Variants in NRXN3 observed in about 807,000 individuals in gnomAD.
The protein encoded by NRXN3 is neurexin 3.
In NRXN3, 32 loss-of-function variants were observed where a neutral mutation model predicts 137.6. The ratio of observed to expected loss-of-function variants is 0.23; its 90% CI spans 0.18 to 0.31. The LOEUF (loss-of-function observed/expected upper bound fraction) is 0.31. Ranked by LOEUF, NRXN3 falls within the 10% of genes least tolerant of loss-of-function variation. NRXN3 has a pLI of 1.00. For synonymous variants in NRXN3, 798 were observed against 784.5 expected, an observed-to-expected ratio of 1.02 and a Z score of -0.29; for missense variants, 1,574 against 2,062.5, an observed-to-expected ratio of 0.76 and a Z score of 4.59.
intron 15 of NRXN3, among the ~76,000 whole-genome samples, chr14:79,092,248 A>G (rs2049346045): frequency 6.6e-6 from 1 of 152,188 alleles, no homozygotes; most frequent in African/African-American, 2.4e-5. Flanking sequence ...AGCAGAACTA[A>G]AGAGAAGATC....
chr14:78,282,225 C>G lies in NRXN3; in HGVS notation c.727+3563C>G, dbSNP rs1045464299. 4 of 461,500 alleles carry G rather than the reference C, an allele frequency of 8.7e-6. No individual in the cohort carries two copies. The Admixed American group carries it at 9.2e-5, about 11-fold the overall frequency. The allele number at this position is 461,500 out of a possible 1,614,324, so 28.6% of individuals were successfully genotyped here. On this transcript the variant is annotated intron_variant, in intron 3 of 20. Transcript: ENST00000335750. Reference sequence around the variant, plus strand: ...GGGCTGCTTGTAGGGCAGAGGTGGGCATCTCTGCCCTGCCTTTAACCTTCC... The same window carrying G: ...GGGCTGCTTGTAGGGCAGAGGTGGGGATCTCTGCCCTGCCTTTAACCTTCC...
chr14:79,653,732 T>C (rs540966846), intron 16 of NRXN3, among the ~76,000 whole-genome samples: 1 of 152,336 alleles, frequency 6.6e-6, no homozygotes, highest in African/African-American at 2.4e-5. Flanking sequence ...TATTGTTCTA[T>C]TTGCCAAATA....
intron 4 of NRXN3, among the ~76,000 whole-genome samples, chr14:78,448,975 C>A (rs1461137753): frequency 1.3e-5 from 2 of 152,204 alleles, no homozygotes; most frequent in Non-Finnish European, 2.9e-5. Context: ...AAATCATGCT[C>A]TCTGCAGTGG....
intron 10 of NRXN3, among the ~76,000 whole-genome samples, chr14:78,926,681 T>A (rs1394042265): frequency 2.8e-3 from 262 of 95,240 alleles, no homozygotes; most frequent in Middle Eastern, 4.5e-3. Flanking sequence ...TAATTATATA[T>A]TATGTAATAT....
rs183170211 is a variant in NRXN3 at position 78,301,431 on chromosome 14, C to T, written c.757+3571C>T. Among the ~76,000 whole-genome samples, 4 of 152,296 alleles carry T rather than the reference C, an allele frequency of 2.6e-5. No individual in the cohort carries two copies. The East Asian group carries it at 5.8e-4, about 22-fold the overall frequency. On this transcript the variant is annotated intron_variant, in intron 4 of 20. Coordinates refer to ENST00000335750, the MANE Select transcript of NRXN3 (RefSeq NM_001330195.2). ...GCCAACACTCTGACATGCCTTTCAT[C>T]GCACCACACCTTTGGGTAACGCATC...
intron 3 of NRXN3, among the ~76,000 whole-genome samples, chr14:78,281,620 G>T (rs1362230718): frequency 6.6e-6 from 1 of 152,168 alleles, no homozygotes. Context: ...CCTTTGGGGA[G>T]GAGGTTCAGA....
intron 4 of NRXN3, among the ~76,000 whole-genome samples, chr14:78,583,998 G>A (rs1476436985): frequency 2.0e-5 from 3 of 152,092 alleles, no homozygotes. Context: ...TCAGTAATCC[G>A]GTAAAGCTAA....
At chr14:79,755,752 T>C (rs193003993) in intron 19 of NRXN3, among the ~76,000 whole-genome samples, 1 of 152,294 alleles carries the variant, frequency 6.6e-6, no homozygotes, top group Admixed American at 6.5e-5. Flanking sequence ...AATAGTCAGA[T>C]AGGAATTGAA....
rs183308259 is a variant in NRXN3 at position 78,511,247 on chromosome 14, T to C, written c.758-133873T>C. On this transcript the variant is annotated intron_variant, in intron 4 of 20. Coordinates refer to ENST00000335750, the MANE Select transcript of NRXN3 (RefSeq NM_001330195.2). ...ATTCCATATATGGGGACATTGGGCG[T>C]GTTTTAAGCCATATGCTCATAACCT... is the stretch of plus-strand genomic sequence containing the variant. Among the ~76,000 whole-genome samples, 10 of 152,326 alleles carry C rather than the reference T, an allele frequency of 6.6e-5. No homozygotes were observed. In the East Asian group the frequency reaches 1.9e-3, roughly 29 times the overall value.
intron 15 of NRXN3, among the ~76,000 whole-genome samples, chr14:79,345,607 G>T (rs1028854392): frequency 6.6e-6 from 1 of 152,134 alleles, no homozygotes; most frequent in African/African-American, 2.4e-5. Flanking sequence ...GGAGGTGATT[G>T]GGTCATGGGA....
chr14:78,819,399 T>C (rs577647509), intron 10 of NRXN3, among the ~76,000 whole-genome samples: 1 of 152,170 alleles, frequency 6.6e-6, no homozygotes, highest in Non-Finnish European at 1.5e-5. Flanking sequence ...AAAATACATA[T>C]AACAGCTATT....
intron 4 of NRXN3, among the ~76,000 whole-genome samples, chr14:78,498,967 A>G (rs1159559825): frequency 6.6e-6 from 1 of 151,980 alleles, no homozygotes; most frequent in Non-Finnish European, 1.5e-5. Flanking sequence ...TACCTTGGGC[A>G]ATGTTGTTAG....
chr14:79,441,361 A>G (rs1055948558), intron 15 of NRXN3, among the ~76,000 whole-genome samples: 2 of 143,400 alleles, frequency 1.4e-5, no homozygotes, highest in African/African-American at 2.6e-5. Context: ...GGACAAACAG[A>G]AAATCTTTTT....
rs75113116 is a variant in NRXN3, at chr14:79,661,184, G to A, written c.3445-2594G>A. 0.021 allele frequency among the ~76,000 whole-genome samples: 3,259 copies of A among 152,114 alleles called. 196 individuals are homozygous for A. The East Asian group carries it at 0.23, about 11-fold the overall frequency. On this transcript the variant is annotated intron_variant, in intron 16 of 20. Coordinates refer to ENST00000335750, the MANE Select transcript of NRXN3 (RefSeq NM_001330195.2). ...TTCCTAGTGCAGAGATGTAGATAGC[G>A]GTTTCAACAAACAGATTTACGAAAT...
intron 15 of NRXN3, among the ~76,000 whole-genome samples, chr14:79,331,582 A>G (rs2091686463): frequency 6.6e-6 from 1 of 152,216 alleles, no homozygotes; most frequent in Non-Finnish European, 1.5e-5. Flanking sequence ...AATTTTCATT[A>G]TGGGCAACCC....
chr14:78,184,917 T>A lies in NRXN3; in HGVS notation c.-704+14243T>A, dbSNP rs1404583731. 3.9e-5 allele frequency among the ~76,000 whole-genome samples: 6 copies of A among 152,302 alleles called. No individual in the cohort carries two copies. The East Asian group carries it at 1.2e-3, about 29-fold the overall frequency. Reference sequence around the variant, plus strand: ...GTTGCTCGAGTTTGGATGCTGTGCTTAAAGGAGGTTTATGATACAGATTTG... The same window carrying A: ...GTTGCTCGAGTTTGGATGCTGTGCTAAAAGGAGGTTTATGATACAGATTTG... On this transcript the variant is annotated intron_variant, in intron 1 of 20. Transcript: ENST00000335750.
At chr14:79,073,483 C>T (rs528136654) in intron 15 of NRXN3, among the ~76,000 whole-genome samples, 3 of 152,266 alleles carry the variant, frequency 2.0e-5, no homozygotes, top group South Asian at 4.1e-4. Context: ...GCATTTTCCT[C>T]CTGCTTGATG....
intron 4 of NRXN3, among the ~76,000 whole-genome samples, chr14:78,310,616 A>G (rs1191920847): frequency 6.6e-6 from 1 of 152,082 alleles, no homozygotes; most frequent in Non-Finnish European, 1.5e-5. Flanking sequence ...TAATTGATCC[A>G]TGTGACAACT....
At chr14:78,865,383 A>C (rs1413764458) in intron 10 of NRXN3, among the ~76,000 whole-genome samples, 2 of 152,224 alleles carry the variant, frequency 1.3e-5, no homozygotes, top group Non-Finnish European at 2.9e-5. Context: ...AAAAGTAAGA[A>C]GGTTCAATGT....
Sources: allele counts gnomAD v4.1 joint callset (sites outside exome capture counted in the v4.1 genomes callset), GRCh38; gene constraint gnomAD v4.1.1; transcripts MANE v1.5; gene names NCBI Gene and HGNC (gene_info 2026-07-23, HGNC 2026-07-21).